SUPT3H: variants seen among roughly 807,000 people sequenced by gnomAD.
The protein encoded by SUPT3H is SPT3 homolog, SAGA and STAGA complex component.
Under a neutral mutation model 44.3 loss-of-function variants are expected in SUPT3H, and 44 were observed. The ratio of observed to expected loss-of-function variants is 0.99; its 90% CI spans 0.78 to 1.28. SUPT3H has a LOEUF of 1.28. SUPT3H is among the 50% of genes most tolerant of loss of function. The pLI is 0.00. For synonymous variants in SUPT3H, 124 were observed against 125.6 expected (o/e 0.99, Z 0.09); for missense variants, 380 against 387.1 (o/e 0.98, Z 0.15).
intron 3 of SUPT3H, among the ~76,000 whole-genome samples, chr6:45,070,245 A>T (rs1794164591): frequency 1.3e-5 from 2 of 152,176 alleles, no homozygotes; most frequent in Non-Finnish European, 2.9e-5. Flanking sequence ...TATCGAAAAA[A>T]TATTCACTAT....
At chr6:45,071,895 T>A (rs533608976) in intron 3 of SUPT3H, among the ~76,000 whole-genome samples, 1 of 152,294 alleles carries the variant, frequency 6.6e-6, no homozygotes, top group East Asian at 1.9e-4. Flanking sequence ...ATACCTGAAT[T>A]CAAAGGTCCT....
At chr6:45,036,700 T>A (rs1419463800) in intron 3 of SUPT3H, among the ~76,000 whole-genome samples, 1 of 151,964 alleles carries the variant, frequency 6.6e-6, no homozygotes, top group Non-Finnish European at 1.5e-5. Flanking sequence ...CCTGTGAAGG[T>A]AGATTAAGGT....
At chr6:44,963,661 AG>A (rs1400322302) in intron 6 of SUPT3H, among the ~76,000 whole-genome samples, 4 of 152,220 alleles carry the variant, frequency 2.6e-5, no homozygotes, top group African/African-American at 9.7e-5. Context: ...TGATGAAAAT[AG>A]GAAGCAAGAA....
intron 4 of SUPT3H, among the ~76,000 whole-genome samples, chr6:45,020,270 G>A (rs577543204): frequency 6.6e-6 from 1 of 151,906 alleles, no homozygotes; most frequent in Non-Finnish European, 1.5e-5. Flanking sequence ...TCAGTATTTA[G>A]TGAGTATCAT....
intron 3 of SUPT3H, among the ~76,000 whole-genome samples, chr6:45,074,832 T>C (rs1281134187): frequency 6.6e-6 from 1 of 152,090 alleles, no homozygotes; most frequent in Non-Finnish European, 1.5e-5. Flanking sequence ...AATATGTGTA[T>C]TTACAGATAT....
intron 10 of SUPT3H, among the ~76,000 whole-genome samples, chr6:44,896,088 C>T (rs1008053917): frequency 2.6e-5 from 4 of 151,998 alleles, no homozygotes; most frequent in African/African-American, 7.3e-5. Context: ...CTATAAAAAA[C>T]GCTGGGAGAG....
chr6:45,290,455 TCAAAA>T (rs1780129119), intron 2 of SUPT3H, among the ~76,000 whole-genome samples: 1 of 85,968 alleles, frequency 1.2e-5, no homozygotes, highest in African/African-American at 5.0e-5. Context: ...GCATGGATGA[TCAAAA>T]AAAAAAAAAA....
chr6:45,129,231 T>A (rs1490587859), intron 2 of SUPT3H, among the ~76,000 whole-genome samples: 1 of 152,236 alleles, frequency 6.6e-6, no homozygotes, highest in Non-Finnish European at 1.5e-5. Flanking sequence ...GCCTTTCAAA[T>A]TCATTCTCTT....
intron 6 of SUPT3H, among the ~76,000 whole-genome samples, chr6:44,965,752 A>G (rs1776692482): frequency 6.6e-6 from 1 of 152,212 alleles, no homozygotes; most frequent in Non-Finnish European, 1.5e-5. Flanking sequence ...TCAACATCTG[A>G]GTATTATATT....
chr6:44,912,502 C>T (rs919432006), intron 10 of SUPT3H, among the ~76,000 whole-genome samples: 1 of 152,090 alleles, frequency 6.6e-6, no homozygotes, highest in Non-Finnish European at 1.5e-5. Context: ...TTATTCAGGG[C>T]ACATTGTAAG....
At chr6:45,181,148 A>T (rs994778231) in intron 2 of SUPT3H, among the ~76,000 whole-genome samples, 1 of 140,138 alleles carries the variant, frequency 7.1e-6, no homozygotes, top group African/African-American at 2.7e-5. Context: ...GAGAAATGCA[A>T]ATCAAAACCA....
At chr6:44,816,887 T>C (rs1170728812) in intron 11 of SUPT3H, among the ~76,000 whole-genome samples, 1 of 139,756 alleles carries the variant, frequency 7.2e-6, no homozygotes, top group Admixed American at 7.1e-5. Flanking sequence ...ACCCTGTCAC[T>C]ACAAAATAAA....
chr6:45,168,459 G>C (rs1810265253), intron 2 of SUPT3H, among the ~76,000 whole-genome samples: 1 of 152,068 alleles, frequency 6.6e-6, no homozygotes, highest in Non-Finnish European at 1.5e-5. Context: ...ATAAAAGTAA[G>C]CTGTATCCCG....
At chr6:45,238,585 T>A (rs1007967579) in intron 2 of SUPT3H, among the ~76,000 whole-genome samples, 3 of 152,172 alleles carry the variant, frequency 2.0e-5, no homozygotes, top group African/African-American at 7.2e-5. Context: ...CCAAGAAGAC[T>A]CTAGATTTGC....
intron 2 of SUPT3H, among the ~76,000 whole-genome samples, chr6:45,343,368 G>A (rs1016808542): frequency 6.6e-6 from 1 of 152,100 alleles, no homozygotes; most frequent in African/African-American, 2.4e-5. Flanking sequence ...CACTTGATCT[G>A]TTTCAGAGTT....
chr6:45,094,881 A>G (rs572016931), intron 3 of SUPT3H, among the ~76,000 whole-genome samples: 34 of 152,242 alleles, frequency 2.2e-4, no homozygotes, highest in African/African-American at 7.9e-4. Context: ...GAAGAAAAGT[A>G]ATCAGATTTT....
At chr6:45,166,282 ACT>A (rs1247532561) in intron 2 of SUPT3H, among the ~76,000 whole-genome samples, 1 of 151,666 alleles carries the variant, frequency 6.6e-6, no homozygotes, top group Non-Finnish European at 1.5e-5. Flanking sequence ...ACATAGTGAG[ACT>A]CTGTCTCAAA....
At chr6:45,239,829 AAT>A (rs1388207203) in intron 2 of SUPT3H, among the ~76,000 whole-genome samples, 11 of 152,212 alleles carry the variant, frequency 7.2e-5, no homozygotes, top group Admixed American at 7.2e-4. Flanking sequence ...AGAACGAATG[AAT>A]CTCTCCCTAA....
chr6:45,062,520 G>A (rs564343500), intron 3 of SUPT3H, among the ~76,000 whole-genome samples: 390 of 152,274 alleles, frequency 2.6e-3, no homozygotes, highest in African/African-American at 9.1e-3. Flanking sequence ...CGCAGAAGAC[G>A]GGTGATTTCT....
Sources: gnomAD v4.1 joint callset for allele counts (sites outside exome capture counted in the v4.1 genomes callset) on GRCh38, gnomAD v4.1.1 for gene constraint, MANE v1.5 for transcripts, NCBI Gene and HGNC (gene_info 2026-07-23, HGNC 2026-07-21) for gene names.